Variants in DDX10 observed in about 807,000 individuals in gnomAD.
The protein encoded by DDX10 is probable ATP-dependent RNA helicase DDX10.
DDX10 carries 74 observed loss-of-function variants against 104.3 expected under a neutral mutation model. That is an observed-to-expected ratio of 0.71 (90% CI 0.59 to 0.86). The LOEUF (loss-of-function observed/expected upper bound fraction) is 0.86. Among genes scored for constraint, DDX10 ranks in the 40% least tolerant of loss-of-function variants. The probability of loss-of-function intolerance (pLI) is 0.00; values close to 1 mark genes in which losing one functional copy is unlikely to be tolerated. For missense variants in DDX10, 952 were observed against 1,040.0 expected (o/e 0.92, Z 1.16); for synonymous variants, 351 against 353.4 (o/e 0.99, Z 0.08).
At chr11:108,734,342 A>G (rs2094315858) in intron 13 of DDX10, among the ~76,000 whole-genome samples, 1 of 152,166 alleles carries the variant, frequency 6.6e-6, no homozygotes, top group Admixed American at 6.5e-5. Context: ...CATTTGTCTT[A>G]TAGGTGTCTT....
At chr11:108,843,904 A>AT (rs1275338486) in intron 15 of DDX10, among the ~76,000 whole-genome samples, 3 of 152,122 alleles carry the variant, frequency 2.0e-5, no homozygotes, top group African/African-American at 7.2e-5. Flanking sequence ...AGGAATACAT[A>AT]TTTTTTCTTC....
chr11:108,683,088 G>A (rs771844456), intron 6 of DDX10, among the ~76,000 whole-genome samples: 1 of 152,164 alleles, frequency 6.6e-6, no homozygotes, highest in African/African-American at 2.4e-5. Context: ...GAGACTTGGG[G>A]TATAATCTTC....
chr11:108,758,568 T>C (rs1257868011), intron 13 of DDX10, among the ~76,000 whole-genome samples: 1 of 152,096 alleles, frequency 6.6e-6, no homozygotes, highest in Non-Finnish European at 1.5e-5. Context: ...GGGTCAATAA[T>C]GCTGTTTCCC....
chr11:108,731,346 C>G (rs1310320557), intron 13 of DDX10, among the ~76,000 whole-genome samples: 1 of 152,074 alleles, frequency 6.6e-6, no homozygotes, highest in East Asian at 1.9e-4. Context: ...CCACCATGCC[C>G]AGCCCTTTTT....
intron 13 of DDX10, among the ~76,000 whole-genome samples, chr11:108,823,451 C>T (rs1340985809): frequency 6.6e-6 from 1 of 152,160 alleles, no homozygotes; most frequent in Non-Finnish European, 1.5e-5. Context: ...TCGGATGTAA[C>T]AGTGATCTCC....
At chr11:108,799,633 C>T (rs1591821342) in intron 13 of DDX10, among the ~76,000 whole-genome samples, 1 of 152,298 alleles carries the variant, frequency 6.6e-6, no homozygotes, top group East Asian at 1.9e-4. Flanking sequence ...TTCTTGCAGA[C>T]TTCCCATTGA....
chr11:108,834,045 T>A (rs80021856), intron 13 of DDX10, among the ~76,000 whole-genome samples: 6,298 of 152,022 alleles, frequency 0.041, 362 homozygotes, highest in African/African-American at 0.13. Flanking sequence ...AGTCTTGACC[T>A]CCTGGGCTGA....
intron 13 of DDX10, among the ~76,000 whole-genome samples, chr11:108,805,437 T>C (rs1023810355): frequency 6.6e-6 from 1 of 152,254 alleles, no homozygotes; most frequent in African/African-American, 2.4e-5. Context: ...AGAATAAAAG[T>C]CTCAATAAAA....
At chr11:108,708,797 G>A (rs1366945552) in intron 10 of DDX10, among the ~76,000 whole-genome samples, 2 of 152,062 alleles carry the variant, frequency 1.3e-5, no homozygotes, top group African/African-American at 4.8e-5. Context: ...CGAACTCCTG[G>A]CCTCAAACAA....
chr11:108,849,983 C>T (rs1174621835), intron 15 of DDX10, among the ~76,000 whole-genome samples: 5 of 152,040 alleles, frequency 3.3e-5, no homozygotes, highest in African/African-American at 1.2e-4. Flanking sequence ...CCAGTTCTTT[C>T]GCTTCTGTCT....
chr11:108,869,937 T>G (rs1332692403), intron 16 of DDX10, among the ~76,000 whole-genome samples: 5 of 145,952 alleles, frequency 3.4e-5, no homozygotes, highest in African/African-American at 1.2e-4. Flanking sequence ...TAGTAAATCC[T>G]ATTTGACTTT....
intron 17 of DDX10, among the ~76,000 whole-genome samples, chr11:108,927,964 G>C (rs1863929539): frequency 6.6e-6 from 1 of 152,102 alleles, no homozygotes; most frequent in South Asian, 2.1e-4. Flanking sequence ...TTGGTTTAGT[G>C]GTTCTGATTA....
rs561679572 is a variant in DDX10, at chr11:108,732,862, T to C, written c.1965+9400T>C. Among the ~76,000 whole-genome samples the C allele has an allele frequency of 5.3e-5, 8 of 152,330 alleles. No homozygotes were observed. In the South Asian group the frequency reaches 1.2e-3, roughly 24 times the overall value. On this transcript the variant is annotated intron_variant, in intron 13 of 17. Transcript: ENST00000322536. Reference sequence around the variant, plus strand: ...TTAAAATGATTAAATTAAAATTTATTTTTGGAACACTTATTTCCTTAAATG... The same window carrying C: ...TTAAAATGATTAAATTAAAATTTATCTTTGGAACACTTATTTCCTTAAATG...
At chr11:108,688,045 A>C (rs1327717989) in intron 6 of DDX10, among the ~76,000 whole-genome samples, 1 of 152,200 alleles carries the variant, frequency 6.6e-6, no homozygotes, top group Non-Finnish European at 1.5e-5. Context: ...ATATGGATAG[A>C]ATCTTCATTC....
chr11:108,742,296 G>A (rs1241318403), intron 13 of DDX10, among the ~76,000 whole-genome samples: 2 of 145,582 alleles, frequency 1.4e-5, no homozygotes, highest in South Asian at 2.2e-4. Flanking sequence ...CCCTGGGCAT[G>A]GTGGCTCATG....
intron 15 of DDX10, among the ~76,000 whole-genome samples, chr11:108,844,018 T>A (rs1591833351): frequency 6.6e-6 from 1 of 152,304 alleles, no homozygotes; most frequent in Non-Finnish European, 1.5e-5. Flanking sequence ...CAGCATGTGA[T>A]TTTTTAGACT....
chr11:108,809,954 A>G (rs1460232533), intron 13 of DDX10, among the ~76,000 whole-genome samples: 10 of 152,236 alleles, frequency 6.6e-5, no homozygotes, highest in Admixed American at 6.5e-4. Context: ...TAAAAAAGCT[A>G]CCATCAACAT....
chr11:108,727,694 A>G (rs2094307009), intron 13 of DDX10: 1 of 154,458 alleles, frequency 6.5e-6, no homozygotes, highest in Non-Finnish European at 1.5e-5. Flanking sequence ...AAAAATTCAC[A>G]TTCTGTTTTT....
chr11:108,674,093 G>T (rs556669233), intron 2 of DDX10, among the ~76,000 whole-genome samples: 40 of 152,244 alleles, frequency 2.6e-4, no homozygotes, highest in African/African-American at 8.4e-4. Flanking sequence ...GGAGGCCGAG[G>T]TGGGTGGATC....
Sources: allele counts gnomAD v4.1 joint callset (sites outside exome capture counted in the v4.1 genomes callset), GRCh38; gene constraint gnomAD v4.1.1; transcripts MANE v1.5; gene names NCBI Gene and HGNC (gene_info 2026-07-23, HGNC 2026-07-21).